Variants in ZSWIM3 observed in about 807,000 individuals in gnomAD.
ZSWIM3 encodes the protein zinc finger SWIM domain-containing protein 3.
In ZSWIM3, 27 loss-of-function variants were observed where a neutral mutation model predicts 47.5. The observed-to-expected ratio is 0.57, with a 90% CI of 0.42 to 0.78. The LOEUF (loss-of-function observed/expected upper bound fraction) is 0.78, where lower values mean the gene tolerates loss of function less well. Ranked by LOEUF, ZSWIM3 falls within the 30% of genes least tolerant of loss-of-function variation. The pLI is 0.00. For missense variants in ZSWIM3, 689 were observed against 861.3 expected (o/e 0.80, Z 2.50); for synonymous variants, 333 against 333.9 (o/e 1.00, Z 0.03).
chr20:45,862,576 C>G (rs779556480), intron 1 of ZSWIM3, among the ~76,000 whole-genome samples: 11 of 151,860 alleles, frequency 7.2e-5, no homozygotes, highest in South Asian at 2.1e-4. Flanking sequence ...ACTGCAACCT[C>G]TGCCTCCCGG....
intron 1 of ZSWIM3, among the ~76,000 whole-genome samples, chr20:45,871,420 T>G (rs1985971709): frequency 1.3e-5 from 2 of 152,206 alleles, no homozygotes; most frequent in South Asian, 4.1e-4. Flanking sequence ...GTCAAATGAA[T>G]GACTGAGGCA....
intron 1 of ZSWIM3, among the ~76,000 whole-genome samples, chr20:45,872,035 A>G (rs1189296959): frequency 2.0e-5 from 3 of 152,216 alleles, no homozygotes; most frequent in African/African-American, 7.2e-5. Flanking sequence ...GCAGACAAAC[A>G]AGCAGTACAA....
intron 1 of ZSWIM3, among the ~76,000 whole-genome samples, chr20:45,872,265 T>C (rs7262609): frequency 0.013 from 2,000 of 152,296 alleles, 47 homozygotes; most frequent in African/African-American, 0.046. Context: ...TGTTAACATA[T>C]TGGATGTAGG....
chr20:45,861,370 C>T (rs535072163), intron 1 of ZSWIM3, among the ~76,000 whole-genome samples: 1 of 151,216 alleles, frequency 6.6e-6, no homozygotes, highest in South Asian at 2.1e-4. Context: ...GAGCTATGAT[C>T]GCACCACTGC....
At chr20:45,860,510 C>CAAA (rs59152975) in intron 1 of ZSWIM3, among the ~76,000 whole-genome samples, 62 of 102,606 alleles carry the variant, frequency 6.0e-4, no homozygotes, top group Non-Finnish European at 7.9e-4. Flanking sequence ...GACTCCATCT[C>CAAA]AAAAAAAAAA....
At chr20:45,858,624 C>T (rs1414785008) in intron 1 of ZSWIM3, among the ~76,000 whole-genome samples, 4 of 152,194 alleles carry the variant, frequency 2.6e-5, no homozygotes, top group South Asian at 2.1e-4. Context: ...AGCGATCTTT[C>T]GGCGTCTCAA....
chr20:45,869,618 G>C (rs1985921808), intron 1 of ZSWIM3, among the ~76,000 whole-genome samples: 1 of 152,136 alleles, frequency 6.6e-6, no homozygotes. Flanking sequence ...TAGAAGCCCA[G>C]AGGTGGGCCT....
At chr20:45,873,098 C>T (rs1986011872) in intron 1 of ZSWIM3, among the ~76,000 whole-genome samples, 1 of 152,156 alleles carries the variant, frequency 6.6e-6, no homozygotes, top group Non-Finnish European at 1.5e-5. Flanking sequence ...TCATCCAGTA[C>T]ATCATCCATA....
Position 45,857,988 on chromosome 20 carries a change from C to CGGGCGGGGCG in ZSWIM3, c.155+16_155+25dup. 1 of 58,990 alleles carries CGGGCGGGGCG rather than the reference C, an allele frequency of 1.7e-5. No homozygotes were observed. The highest frequency in any genetic ancestry group is 3.4e-4 in the East Asian group (1 of 2,938). The allele number at this position is 58,990 out of a possible 1,614,324, so 3.7% of individuals were successfully genotyped here. On this transcript the variant is annotated intron_variant, in intron 1 of 1. Transcript: ENST00000255152. ...CATCCGCGAAGACATCCTGTAAGGGCGGGCGGGGCGGGGCGGGCCAAGAGG... is the reference window on the plus strand; with the variant it reads ...CATCCGCGAAGACATCCTGTAAGGGCGGGCGGGGCGGGGCGGGGCGGGGCGGGCCAAGAGG...
chr20:45,867,799 GT>G (rs1427462657), intron 1 of ZSWIM3, among the ~76,000 whole-genome samples: 2 of 152,148 alleles, frequency 1.3e-5, no homozygotes, highest in Admixed American at 6.5e-5. Flanking sequence ...GTACTTGGCT[GT>G]CTCTCTCCAT....
chr20:45,878,051 T>A lies in ZSWIM3; in HGVS notation c.1493T>A (p.Leu498Ter). The change falls in exon 2 of 2, where the codon TTG becomes TAG. Residue 498 changes from leucine (L) to a stop codon, truncating the protein, a stop_gained. Coordinates refer to ENST00000255152, the MANE Select transcript of ZSWIM3 (RefSeq NM_080752.4). LOFTEE classifies it high-confidence loss of function. ...PPSQVGMLDT[L>*]HQSGSELAYK... The stretch of plus-strand genomic sequence containing the variant: ...TCGCAGGTTGGCATGCTGGACACCT[T>A]GCACCAGAGTGGCTCTGAACTAGCC... 6.2e-7 allele frequency: 1 copy of A among 1,614,118 alleles called. No homozygotes were observed. The highest frequency in any genetic ancestry group is 8.5e-7 in the Non-Finnish European group (1 of 1,180,014).
intron 1 of ZSWIM3, among the ~76,000 whole-genome samples, chr20:45,862,294 C>T (rs528469586): frequency 1.8e-4 from 27 of 146,218 alleles, no homozygotes; most frequent in Admixed American, 6.2e-4. Flanking sequence ...ATTACAGGCA[C>T]GCACCACCCC....
At chr20:45,862,562 G>T (rs147688975) in intron 1 of ZSWIM3, among the ~76,000 whole-genome samples, 1 of 151,928 alleles carries the variant, frequency 6.6e-6, no homozygotes, top group East Asian at 1.9e-4. Flanking sequence ...TGCAATCTTG[G>T]CTCACTGCAA....
chr20:45,873,433 TTG>T (rs993360695), intron 1 of ZSWIM3, among the ~76,000 whole-genome samples: 6 of 151,374 alleles, frequency 4.0e-5, no homozygotes, highest in Non-Finnish European at 8.8e-5. Context: ...AGGCACAGTA[TTG>T]TGTTAGAGGC....
intron 1 of ZSWIM3, among the ~76,000 whole-genome samples, chr20:45,866,084 G>T (rs1339624283): frequency 6.6e-6 from 1 of 151,732 alleles, no homozygotes. Flanking sequence ...TGGGAGGATT[G>T]CTTGAGCCCA....
chr20:45,863,385 G>A (rs73911123), intron 1 of ZSWIM3, among the ~76,000 whole-genome samples: 6,710 of 152,264 alleles, frequency 0.044, 305 homozygotes, highest in South Asian at 0.11. Context: ...GCCCTGTGGA[G>A]GGGTGATGGT....
At chr20:45,875,577 C>T (rs1303411786) in intron 1 of ZSWIM3, among the ~76,000 whole-genome samples, 1 of 151,856 alleles carries the variant, frequency 6.6e-6, no homozygotes, top group East Asian at 1.9e-4. Context: ...TCTCGGCTCC[C>T]TGCAACCTCT....
rs2145793748 is a variant in ZSWIM3 at position 45,877,261 on chromosome 20, T to C, written c.703T>C (p.Tyr235His). The C allele has an allele frequency of 3.7e-6, 6 of 1,614,056 alleles. No homozygotes were observed. In the East Asian group the frequency reaches 1.3e-4, roughly 36 times the overall value. ...RVENTQGHILYAFLVENKERE... is the reference protein window; with the variant it reads ...RVENTQGHILHAFLVENKERE... ...GGAGAACACCCAGGGCCACATCCTC[T>C]ATGCTTTCTTGGTGGAGAACAAGGA... The change falls in exon 2 of 2, where the codon TAT becomes CAT. Residue 235 changes from tyrosine (Y) to histidine (H), a missense_variant. Coordinates refer to ENST00000255152, the MANE Select transcript of ZSWIM3 (RefSeq NM_080752.4).
intron 1 of ZSWIM3, among the ~76,000 whole-genome samples, chr20:45,870,028 GGC>G (rs1443492031): frequency 1.5e-4 from 21 of 140,668 alleles, no homozygotes; most frequent in Admixed American, 6.5e-4. Context: ...TGGGCAACAG[GGC>G]AAAACTCCGT....
Sources: allele counts gnomAD v4.1 joint callset (sites outside exome capture counted in the v4.1 genomes callset), GRCh38; gene constraint gnomAD v4.1.1; transcripts MANE v1.5; gene names NCBI Gene and HGNC (gene_info 2026-07-23, HGNC 2026-07-21).